The following BICC1 variants were observed in gnomAD, a reference collection of about 807,000 sequenced individuals.
BICC1 encodes the protein protein bicaudal C homolog 1.
In BICC1, 43 loss-of-function variants were observed where a neutral mutation model predicts 111.0. That is an observed-to-expected ratio of 0.39 (90% confidence interval 0.30 to 0.50). The LOEUF is 0.50. Among genes scored for constraint, BICC1 ranks in the 20% least tolerant of loss-of-function variants. The pLI, the probability that BICC1 is intolerant of heterozygous loss-of-function variation, is 0.88. For missense variants in BICC1, 1,091 were observed against 1,203.2 expected (o/e 0.91, Z 1.38); for synonymous variants, 467 against 434.4 (o/e 1.07, Z -0.93).
intron 1 of BICC1, among the ~76,000 whole-genome samples, chr10:58,543,574 A>T (rs1438520894): frequency 2.6e-5 from 4 of 152,060 alleles, no homozygotes; most frequent in Non-Finnish European, 4.4e-5. Context: ...CAGTGGTGTG[A>T]TCATAGCTCA....
At chr10:58,810,250 G>A (rs1250759848) in intron 17 of BICC1, among the ~76,000 whole-genome samples, 4 of 152,152 alleles carry the variant, frequency 2.6e-5, no homozygotes, top group Non-Finnish European at 5.9e-5. Context: ...CTGACACCAT[G>A]GTTGAACTTC....
At chr10:58,762,237 TC>T in intron 3 of BICC1, among the ~76,000 whole-genome samples, 1 of 151,778 alleles carries the variant, frequency 6.6e-6, no homozygotes, top group Admixed American at 6.6e-5. Context: ...AAACAGAAAA[TC>T]GAAAGCTATG....
At chr10:58,793,439 G>T in intron 8 of BICC1, 45 bp from the exon 9 acceptor site, 1 of 1,548,338 alleles carries the variant, frequency 6.5e-7, no homozygotes, top group South Asian at 1.2e-5. Context: ...GTGTTTAAAT[G>T]ATTAAATTTT....
chr10:58,769,855 C>A (rs1318334340), intron 3 of BICC1, among the ~76,000 whole-genome samples: 1 of 151,944 alleles, frequency 6.6e-6, no homozygotes, highest in Admixed American at 6.6e-5. Context: ...GCCTAAATTT[C>A]TAAAAATGGT....
At chr10:58,748,580 TC>T (rs75736046) in intron 3 of BICC1, among the ~76,000 whole-genome samples, 9 of 91,850 alleles carry the variant, frequency 9.8e-5, no homozygotes, top group Admixed American at 2.8e-4. Flanking sequence ...ATAAACCTGT[TC>T]TGGTATAGTA....
At chr10:58,632,010 C>G (rs556553189) in intron 2 of BICC1, among the ~76,000 whole-genome samples, 1 of 152,144 alleles carries the variant, frequency 6.6e-6, no homozygotes, top group South Asian at 2.1e-4. Flanking sequence ...CTTTTCTTGG[C>G]TTCAGTCAGT....
chr10:58,644,816 A>C (rs1432309350), intron 2 of BICC1, among the ~76,000 whole-genome samples: 1 of 152,222 alleles, frequency 6.6e-6, no homozygotes, highest in Non-Finnish European at 1.5e-5. Context: ...TTAAAAATTT[A>C]AGTTAAAAGC....
At chr10:58,535,597 A>G (rs1050819653) in intron 1 of BICC1, among the ~76,000 whole-genome samples, 40 of 151,740 alleles carry the variant, frequency 2.6e-4, no homozygotes, top group Non-Finnish European at 5.0e-4. Flanking sequence ...ATCTTGAAAG[A>G]AAAGATTGAT....
chr10:58,626,893 T>A (rs1319076776), intron 2 of BICC1, among the ~76,000 whole-genome samples: 1 of 152,076 alleles, frequency 6.6e-6, no homozygotes, highest in Non-Finnish European at 1.5e-5. Flanking sequence ...TCACCTGAGG[T>A]CAGGAGTTCG....
chr10:58,801,394 C>T (rs1452745457), intron 14 of BICC1, among the ~76,000 whole-genome samples: 1 of 152,110 alleles, frequency 6.6e-6, no homozygotes, highest in Non-Finnish European at 1.5e-5. Context: ...GTGAATTCTC[C>T]TTCATTTGGC....
chr10:58,751,613 TAC>T (rs1379516885), intron 3 of BICC1, among the ~76,000 whole-genome samples: 2 of 152,180 alleles, frequency 1.3e-5, no homozygotes, highest in African/African-American at 4.8e-5. Flanking sequence ...CAGATAATAT[TAC>T]TGGAGAAGAA....
At chr10:58,710,306 A>G (rs907012400) in intron 3 of BICC1, among the ~76,000 whole-genome samples, 1 of 152,152 alleles carries the variant, frequency 6.6e-6, no homozygotes, top group East Asian at 1.9e-4. Flanking sequence ...TTTCACACCC[A>G]TACCTTCCAT....
At chr10:58,523,313 T>C (rs1842441841) in intron 1 of BICC1, among the ~76,000 whole-genome samples, 1 of 152,188 alleles carries the variant, frequency 6.6e-6, no homozygotes, top group African/African-American at 2.4e-5. Flanking sequence ...AATAAAATAC[T>C]GACAAACCGA....
chr10:58,708,737 C>T (rs781110057), intron 3 of BICC1, among the ~76,000 whole-genome samples: 13 of 152,070 alleles, frequency 8.5e-5, no homozygotes, highest in African/African-American at 2.4e-4. Context: ...TTACTGTGCA[C>T]GTGGTTGACA....
chr10:58,798,832 C>T (rs1334173346), intron 11 of BICC1, among the ~76,000 whole-genome samples: 2 of 152,292 alleles, frequency 1.3e-5, no homozygotes, highest in Non-Finnish European at 2.9e-5. Context: ...TAGTCATTTA[C>T]ATCTGTACAA....
chr10:58,829,242 T>G lies in BICC1; in HGVS notation c.*351T>G. The G allele has an allele frequency of 1.4e-5, 2 of 139,654 alleles. No homozygotes were observed. Among genetic ancestry groups the G allele is most frequent in the Non-Finnish European group, 1.5e-5 (1 of 66,826 alleles). The allele number at this position is 139,654 out of a possible 1,614,324, so 8.7% of individuals were successfully genotyped here. A position where few individuals can be genotyped will look rare whatever the true frequency, so the allele number is the denominator to read the frequency against. ...TTTTTTACTTAAAATGAAGGATGAA[T>G]TGACATCTGGGATGCCAGAAGACTT... On this transcript the variant is annotated 3_prime_UTR_variant, in exon 21 of 21. Coordinates refer to ENST00000373886, the MANE Select transcript of BICC1 (RefSeq NM_001080512.3).
At chr10:58,724,939 A>G (rs929786934) in intron 3 of BICC1, among the ~76,000 whole-genome samples, 2 of 152,132 alleles carry the variant, frequency 1.3e-5, no homozygotes, top group African/African-American at 4.8e-5. Flanking sequence ...GTGGCTGTCT[A>G]TTCCCTCCCT....
chr10:58,722,310 T>C (rs1380712905), intron 3 of BICC1, among the ~76,000 whole-genome samples: 1 of 152,224 alleles, frequency 6.6e-6, no homozygotes, highest in Non-Finnish European at 1.5e-5. Context: ...CTTAGCCCTG[T>C]GATCTATTTT....
chr10:58,727,053 T>C (rs1444204565), intron 3 of BICC1, among the ~76,000 whole-genome samples: 1 of 152,164 alleles, frequency 6.6e-6, no homozygotes, highest in African/African-American at 2.4e-5. Flanking sequence ...TAGATGCTTA[T>C]TTTACAGAGC....
Sources: gnomAD v4.1 joint callset for allele counts (sites outside exome capture counted in the v4.1 genomes callset) on GRCh38, gnomAD v4.1.1 for gene constraint, MANE v1.5 for transcripts, NCBI Gene and HGNC (gene_info 2026-07-23, HGNC 2026-07-21) for gene names.